The following FAM131B variants were observed in gnomAD, a reference collection of about 807,000 sequenced individuals.
FAM131B encodes protein FAM131B.
Under a neutral mutation model 42.0 loss-of-function variants are expected in FAM131B, and 19 were observed. The ratio of observed to expected loss-of-function variants is 0.45; its 90% CI spans 0.32 to 0.66. FAM131B has a LOEUF of 0.66. Ranked by LOEUF, FAM131B falls within the 30% of genes least tolerant of loss-of-function variation. FAM131B has a pLI of 0.05. For synonymous variants in FAM131B, 183 were observed against 177.6 expected (o/e 1.03, Z -0.24); for missense variants, 370 against 468.4 (o/e 0.79, Z 1.94).
At chr7:143,366,540 A>G (rs891806538), upstream of FAM131B, among the ~76,000 whole-genome samples, 1 of 151,364 alleles carries the variant, frequency 6.6e-6, no homozygotes, top group Non-Finnish European at 1.5e-5. Context: ...CACGAGGGTC[A>G]GTAACAAAGG....
the FAM131B span, chr7:143,379,900 G>C: frequency 4.2e-6 from 1 of 237,264 alleles, no homozygotes; most frequent in Non-Finnish European, 6.8e-6. Flanking sequence ...TCTGACACCA[G>C]TTTCAGTTTA....
At chr7:143,363,420 A>G (rs1273177726), upstream of FAM131B, among the ~76,000 whole-genome samples, 1 of 152,032 alleles carries the variant, frequency 6.6e-6, no homozygotes, top group African/African-American at 2.4e-5. Flanking sequence ...CAATGTCAGG[A>G]CCCGAGGCTG....
At chr7:143,371,677 G>T in the FAM131B span, among the ~76,000 whole-genome samples, 1 of 151,846 alleles carries the variant, frequency 6.6e-6, no homozygotes, top group African/African-American at 2.4e-5. Context: ...ATAATGAAAG[G>T]GCTGGTATAT....
At chr7:143,373,580 G>T in the FAM131B span, among the ~76,000 whole-genome samples, 1 of 152,150 alleles carries the variant, frequency 6.6e-6, no homozygotes, top group African/African-American at 2.4e-5. Flanking sequence ...CTGGTGGGGG[G>T]CGCTGAGGCG....
chr7:143,367,567 T>C (rs1324969836), upstream of FAM131B, among the ~76,000 whole-genome samples: 1 of 152,148 alleles, frequency 6.6e-6, no homozygotes, highest in Admixed American at 6.5e-5. Flanking sequence ...TATCCGAGCA[T>C]GGTGGTGTAC....
upstream of FAM131B, among the ~76,000 whole-genome samples, chr7:143,365,674 C>T (rs57882777): frequency 0.019 from 2,964 of 152,250 alleles, 112 homozygotes; most frequent in African/African-American, 0.068. Flanking sequence ...GATCAAAGCT[C>T]ACTGCAGCCT....
At chr7:143,380,612 C>T in the FAM131B span, 28 of 985,426 alleles carry the variant, frequency 2.8e-5, no homozygotes, top group Non-Finnish European at 3.1e-5. The surrounding 1 kb of genome is among the most constrained non-coding windows in gnomAD (Gnocchi z 5.0). Flanking sequence ...CGCAACCGAT[C>T]TGCTGGCTGG....
Position 143,359,201 on chromosome 7 carries a change from G to T in FAM131B, c.268+125C>A. The T allele has an allele frequency of 9.8e-7, 1 of 1,019,384 alleles. No individual in the cohort carries two copies. Among genetic ancestry groups the T allele is most frequent in the Non-Finnish European group, 1.5e-6 (1 of 674,096 alleles). 63.1% of individuals were successfully genotyped at this position (1,019,384 alleles called of 1,614,324 possible). On this transcript the variant is annotated intron_variant, in intron 4 of 6. Transcript: ENST00000443739. This position sits in a 1 kb window ranked among gnomAD's most constrained non-coding sequence, Gnocchi z 5.4. ...GGCCTGGAGGATGGGAGGCTTGACA[G>T]AAGGGTGAATAGGTCAGGGGGTGGG...
Position 143,362,636 on chromosome 7 carries a change from G to T in FAM131B, c.-33C>A, listed in dbSNP as rs1804057641. ...GGGGCCGCAGAGCCGGGCCCTCACC[G>T]ACTCGGGGCGCGCGCCGGGGGGAGC... is the stretch of plus-strand genomic sequence containing the variant. On this transcript the variant is annotated 5_prime_UTR_variant, in exon 1 of 7. Coordinates refer to ENST00000443739, the MANE Select transcript of FAM131B (RefSeq NM_001031690.3). The surrounding 1 kb of genome is among the most constrained non-coding windows in gnomAD (Gnocchi z 7.7). 8.3e-6 allele frequency: 10 copies of T among 1,197,654 alleles called. No individual in the cohort carries two copies. Among genetic ancestry groups the T allele is most frequent in the South Asian group, 4.2e-5 (1 of 23,980 alleles). 74.2% of individuals were successfully genotyped at this position (1,197,654 alleles called of 1,614,324 possible). A position where few individuals can be genotyped will look rare whatever the true frequency, so the allele number is the denominator to read the frequency against.
At chr7:143,380,738 C>T in the FAM131B span, 4 of 985,334 alleles carry the variant, frequency 4.1e-6, no homozygotes, top group East Asian at 3.4e-4. This position sits in a 1 kb window ranked among gnomAD's most constrained non-coding sequence, Gnocchi z 5.0. Context: ...ACAGAGTCAG[C>T]TGGGGGGTGC....
chr7:143,377,038 C>T, the FAM131B span, among the ~76,000 whole-genome samples: 23 of 152,182 alleles, frequency 1.5e-4, no homozygotes, highest in Non-Finnish European at 2.8e-4. Flanking sequence ...GGCACGATCT[C>T]GATCTCGGCT....
the FAM131B span, among the ~76,000 whole-genome samples, chr7:143,371,552 T>C: frequency 7.4e-6 from 1 of 135,692 alleles, no homozygotes; most frequent in African/African-American, 2.8e-5. Context: ...AGGTAGAGGC[T>C]GCAGTGGGCC....
chr7:143,369,022 GAGTGGTGGATATAT>G, the FAM131B span, among the ~76,000 whole-genome samples: 2 of 152,364 alleles, frequency 1.3e-5, no homozygotes, highest in East Asian at 3.9e-4. Context: ...GACAGTGAAA[GAGTGGTGGATATAT>G]AGGGCATTAG....
At position 143,358,488 on chromosome 7, in the gene FAM131B, C is replaced by T. The variant is rs909841812; in HGVS notation, c.466+339G>A. ...AAGGGCAAAGGCTAAAAGAGATCCC[C>T]AAGGCCTTTCTTTCTTTCAAAGACC... On this transcript the variant is annotated intron_variant, in intron 5 of 6. Transcript: ENST00000443739. This position sits in a 1 kb window ranked among gnomAD's most constrained non-coding sequence, Gnocchi z 4.7. 6.6e-6 allele frequency among the ~76,000 whole-genome samples: 1 copy of T among 152,180 alleles called. No homozygotes were observed. Among genetic ancestry groups the T allele is most frequent in the Non-Finnish European group, 1.5e-5 (1 of 68,048 alleles).
the FAM131B span, chr7:143,380,939 C>T: frequency 5.4e-6 from 2 of 370,926 alleles, no homozygotes; most frequent in East Asian, 3.3e-4. The surrounding 1 kb of genome is among the most constrained non-coding windows in gnomAD (Gnocchi z 5.0). Flanking sequence ...TGCGTGGCTA[C>T]CTCGGCGGCA....
At chr7:143,374,037 C>A in the FAM131B span, among the ~76,000 whole-genome samples, 5 of 152,298 alleles carry the variant, frequency 3.3e-5, no homozygotes, top group East Asian at 7.7e-4. Context: ...TCCAGCAAAG[C>A]CCATATCCTA....
At position 143,356,197 on chromosome 7, in the gene FAM131B, G is replaced by T. The variant is rs1803638690; in HGVS notation, c.*353C>A. 8 of 260,460 alleles carry T rather than the reference G, an allele frequency of 3.1e-5. No individual in the cohort carries two copies. Among genetic ancestry groups the T allele is most frequent in the Non-Finnish European group, 5.9e-5 (8 of 135,424 alleles). 16.1% of individuals were successfully genotyped at this position (260,460 alleles called of 1,614,324 possible). ...CTGGAAGACGAAATCGGGGCGTGAA[G>T]AACTGAGATCCAGTCTTGAGCACAG... is the stretch of plus-strand genomic sequence containing the variant. On this transcript the variant is annotated 3_prime_UTR_variant, in exon 7 of 7. Transcript: ENST00000443739. This position sits in a 1 kb window ranked among gnomAD's most constrained non-coding sequence, Gnocchi z 4.4.
the FAM131B span, among the ~76,000 whole-genome samples, chr7:143,370,903 A>G: frequency 6.6e-6 from 1 of 152,072 alleles, no homozygotes; most frequent in Non-Finnish European, 1.5e-5. Context: ...CTTTCCAGTA[A>G]CACCCTTAGC....
At chr7:143,381,123 G>A in the FAM131B span, 1 of 874,618 alleles carries the variant, frequency 1.1e-6, no homozygotes, top group Non-Finnish European at 1.4e-6. Context: ...AGTGGGGTGG[G>A]GGCGAGCGGA....
Sources: allele counts gnomAD v4.1 joint callset (sites outside exome capture counted in the v4.1 genomes callset), GRCh38; gene constraint gnomAD v4.1.1; non-coding constraint Gnocchi (gnomAD v3.1); transcripts MANE v1.5; gene names NCBI Gene and HGNC (gene_info 2026-07-23, HGNC 2026-07-21).